DCT: variants seen among roughly 807,000 people sequenced by gnomAD.
DCT encodes the protein L-dopachrome tautomerase.
In DCT, 47 loss-of-function variants were observed where a neutral mutation model predicts 53.0. That is an observed-to-expected ratio of 0.89 (90% CI 0.70 to 1.13). The LOEUF is 1.13. Among genes scored for constraint, DCT ranks in the 50% most tolerant of loss-of-function variants. DCT has a pLI of 0.00. For missense variants in DCT, 669 were observed against 637.4 expected, an observed-to-expected ratio of 1.05 and a Z score of -0.53; for synonymous variants, 244 against 237.0, an observed-to-expected ratio of 1.03 and a Z score of -0.27.
chr13:94,547,307 G>C, the DCT span, among the ~76,000 whole-genome samples: 12,054 of 151,788 alleles, frequency 0.079, 1,065 homozygotes, highest in African/African-American at 0.21. Context: ...AGTAGAGATG[G>C]GGTTTCACCA....
the DCT span, among the ~76,000 whole-genome samples, chr13:94,486,109 G>A: frequency 6.6e-6 from 1 of 152,124 alleles, no homozygotes; most frequent in African/African-American, 2.4e-5. Flanking sequence ...CTCTGTGACA[G>A]AGCTGTGTTT....
At chr13:94,548,729 T>C in the DCT span, among the ~76,000 whole-genome samples, 4 of 151,562 alleles carry the variant, frequency 2.6e-5, no homozygotes, top group African/African-American at 9.7e-5. Context: ...CAAAAAAAAA[T>C]CTCAGAAAGT....
chr13:94,484,046 T>C (rs1272996820), upstream of DCT, among the ~76,000 whole-genome samples: 2 of 152,256 alleles, frequency 1.3e-5, no homozygotes, highest in Non-Finnish European at 2.9e-5. Context: ...AAAATGTTAT[T>C]TGGCTTATAA....
intron 4 of DCT, among the ~76,000 whole-genome samples, chr13:94,464,377 C>T (rs2139336008): frequency 6.6e-6 from 1 of 152,324 alleles, no homozygotes; most frequent in Admixed American, 6.5e-5. Context: ...AGGTGGCTTA[C>T]ACTTGTAATC....
At chr13:94,488,621 G>A in the DCT span, among the ~76,000 whole-genome samples, 1 of 151,864 alleles carries the variant, frequency 6.6e-6, no homozygotes, top group African/African-American at 2.4e-5. Flanking sequence ...AAGCTGAGAT[G>A]GGAGAATAGC....
rs143677182 is a variant in DCT at position 94,468,493 on chromosome 13, G to A, written c.595+253C>T. 261 of 382,416 alleles carry A rather than the reference G, an allele frequency of 6.8e-4. 2 individuals are homozygous for A. Among genetic ancestry groups the A allele is most frequent in the African/African-American group, 4.9e-3 (246 of 50,164 alleles). The allele number at this position is 382,416 out of a possible 1,614,324, so 23.7% of individuals were successfully genotyped here. A position where few individuals can be genotyped will look rare whatever the true frequency, so the allele number is the denominator to read the frequency against. On this transcript the variant is annotated intron_variant, in intron 2 of 7. Transcript: ENST00000377028. ...CTTTGATGATTAACAGCTTCACAGA[G>A]AAAAGTTTACACTTTGAACCAAGAA... is the stretch of plus-strand genomic sequence containing the variant.
chr13:94,497,035 G>A, the DCT span, among the ~76,000 whole-genome samples: 1 of 152,212 alleles, frequency 6.6e-6, no homozygotes, highest in African/African-American at 2.4e-5. Context: ...TTAATTTTAT[G>A]TGTCAACTTG....
At chr13:94,452,224 G>A (rs1471791981) in intron 6 of DCT, among the ~76,000 whole-genome samples, 3 of 152,066 alleles carry the variant, frequency 2.0e-5, no homozygotes, top group African/African-American at 7.2e-5. Flanking sequence ...GTAGAGACAA[G>A]GTTTCACCAT....
chr13:94,529,648 G>C, the DCT span, among the ~76,000 whole-genome samples: 1 of 152,224 alleles, frequency 6.6e-6, no homozygotes, highest in Admixed American at 6.5e-5. Flanking sequence ...GCAGTGTGTA[G>C]AGGTAAATTT....
chr13:94,524,932 T>G, the DCT span, among the ~76,000 whole-genome samples: 2 of 152,070 alleles, frequency 1.3e-5, no homozygotes, highest in Admixed American at 1.3e-4. Flanking sequence ...ACAGAGAGAA[T>G]ACCCTGTGAA....
the DCT span, among the ~76,000 whole-genome samples, chr13:94,490,256 G>T: frequency 6.6e-6 from 1 of 152,088 alleles, no homozygotes; most frequent in East Asian, 1.9e-4. Flanking sequence ...TGTAATCCCA[G>T]CACTTTGGGA....
At chr13:94,524,198 TTC>T in the DCT span, among the ~76,000 whole-genome samples, 1 of 152,176 alleles carries the variant, frequency 6.6e-6, no homozygotes, top group Non-Finnish European at 1.5e-5. Flanking sequence ...GTAGCTCCAC[TTC>T]TCTCAGAAGC....
the DCT span, among the ~76,000 whole-genome samples, chr13:94,488,427 G>A: frequency 6.6e-6 from 1 of 152,076 alleles, no homozygotes; most frequent in South Asian, 2.1e-4. Flanking sequence ...TCCAAAATAT[G>A]TTGTCTGCCA....
rs1169945174 is a variant in DCT, at chr13:94,443,523, T to G, written c.1294A>C (p.Met432Leu). ...GTCACTGGAGGGAAGAAAGGAACCATGTTGTACATCCGATTGTGACCAATA... is the reference window on the plus strand; with the variant it reads ...GTCACTGGAGGGAAGAAAGGAACCAGGTTGTACATCCGATTGTGACCAATA... ...APIGHNRMYN[M>L]VPFFPPVTNE... Residue 432 changes from methionine (M) to leucine (L), a missense_variant, in exon 7 of 8, where the codon ATG becomes CTG. Physicochemically the swap from Met to Leu is conservative, Grantham distance 15. Coordinates refer to ENST00000377028, the MANE Select transcript of DCT (RefSeq NM_001922.5). 6.2e-7 allele frequency: 1 copy of G among 1,613,898 alleles called. No homozygotes were observed. Among genetic ancestry groups the G allele is most frequent in the Non-Finnish European group, 8.5e-7 (1 of 1,179,936 alleles).
At chr13:94,544,212 C>T in the DCT span, among the ~76,000 whole-genome samples, 461 of 152,090 alleles carry the variant, frequency 3.0e-3, 2 homozygotes, top group African/African-American at 0.011. Context: ...TTCAACTATG[C>T]CTCCTATCTC....
the DCT span, among the ~76,000 whole-genome samples, chr13:94,537,188 T>C: frequency 6.6e-6 from 1 of 152,248 alleles, no homozygotes; most frequent in African/African-American, 2.4e-5. Flanking sequence ...ATGTATCTAT[T>C]TGTGCCAGAC....
the DCT span, among the ~76,000 whole-genome samples, chr13:94,538,345 G>C: frequency 6.6e-6 from 1 of 152,172 alleles, no homozygotes; most frequent in African/African-American, 2.4e-5. Flanking sequence ...AAACAAAGAA[G>C]AGTTACGGAA....
At chr13:94,478,375 G>A (rs907693856) in intron 1 of DCT, among the ~76,000 whole-genome samples, 2 of 152,056 alleles carry the variant, frequency 1.3e-5, no homozygotes, top group Non-Finnish European at 2.9e-5. Context: ...TACTTGGGAG[G>A]CTGAGGCAGG....
At chr13:94,466,475 T>C (rs1333516669) in intron 3 of DCT, 83 bp downstream of exon 3, 2 of 801,782 alleles carry the variant, frequency 2.5e-6, no homozygotes, top group Middle Eastern at 3.5e-4. Flanking sequence ...GATAAGTATA[T>C]CAAAATTCAC....
Sources: gnomAD v4.1 joint callset for allele counts (sites outside exome capture counted in the v4.1 genomes callset) on GRCh38, gnomAD v4.1.1 for gene constraint, MANE v1.5 for transcripts, NCBI Gene and HGNC (gene_info 2026-07-23, HGNC 2026-07-21) for gene names.